TYW1B: variants seen among roughly 807,000 people sequenced by gnomAD.
The protein encoded by TYW1B is S-adenosyl-L-methionine-dependent tRNA 4-demethylwyosine synthase TYW1B.
TYW1B carries 73 observed loss-of-function variants against 86.9 expected under a neutral mutation model. The observed-to-expected ratio is 0.84, with a 90% CI of 0.70 to 1.02. The LOEUF (loss-of-function observed/expected upper bound fraction) is 1.02, where lower values mean the gene tolerates loss of function less well. TYW1B is among the 50% of genes least tolerant of loss of function. TYW1B has a pLI of 0.00. For synonymous variants in TYW1B, 248 were observed against 292.8 expected (o/e 0.85, Z 1.56); for missense variants, 637 against 827.4 (o/e 0.77, Z 2.82).
chr7:72,702,548 C>T (rs1390463614), intron 10 of TYW1B, among the ~76,000 whole-genome samples: 3 of 151,980 alleles, frequency 2.0e-5, no homozygotes, highest in African/African-American at 7.2e-5. Context: ...CCACCACACC[C>T]GGCTAATTTT....
intron 2 of TYW1B, 97 bp downstream of exon 2, chr7:72,826,758 A>G: frequency 3.4e-6 from 5 of 1,469,156 alleles, no homozygotes; most frequent in Non-Finnish European, 4.6e-6. Context: ...ATGTCTAAAG[A>G]CCAAACACAA....
At chr7:72,591,268 GA>G (rs1309034744) in intron 13 of TYW1B, among the ~76,000 whole-genome samples, 36 of 152,044 alleles carry the variant, frequency 2.4e-4, no homozygotes, top group African/African-American at 8.0e-4. Flanking sequence ...ACGACAGAGA[GA>G]ATGCTTGAAG....
rs538552630 is a variant in TYW1B at position 72,734,106 on chromosome 7, A to G, written c.1083-5175T>C. Among the ~76,000 whole-genome samples the G allele has an allele frequency of 3.2e-3, 484 of 152,148 alleles. 2 individuals are homozygous for G. Among genetic ancestry groups the G allele is most frequent in the African/African-American group, 0.011 (450 of 41,512 alleles). On this transcript the variant is annotated intron_variant, in intron 8 of 13. Coordinates refer to ENST00000620995, the MANE Select transcript of TYW1B (RefSeq NM_001145440.3). ...ACCCCATCTCTAATAAAAATACAAA[A>G]AATTGGCCAGGAGTGGTGGCAGGCA...
chr7:72,616,636 A>G lies in TYW1B; in HGVS notation c.1785+36T>C, dbSNP rs782778279. The G allele has an allele frequency of 2.5e-6, 4 of 1,613,902 alleles. No homozygotes were observed. In the South Asian group the frequency reaches 3.3e-5, roughly 13 times the overall value. On this transcript the variant is annotated intron_variant, in intron 13 of 13. Coordinates refer to ENST00000620995, the MANE Select transcript of TYW1B (RefSeq NM_001145440.3). ...AAGAGAAGGAAAGAACAGCAGGGTC[A>G]GGGAACAGAAGATTCCATGTTTGAG...
chr7:72,663,396 G>A (rs1554444757), intron 11 of TYW1B, among the ~76,000 whole-genome samples: 1 of 151,994 alleles, frequency 6.6e-6, no homozygotes, highest in African/African-American at 2.4e-5. Context: ...GGGTGCTCTT[G>A]GAGTGCCCCC....
intron 6 of TYW1B, among the ~76,000 whole-genome samples, chr7:72,795,110 A>G (rs1419522914): frequency 7.2e-5 from 11 of 151,896 alleles, no homozygotes; most frequent in African/African-American, 2.7e-4. Flanking sequence ...GCAATTCAGC[A>G]TGCCCGGCCT....
chr7:72,815,379 C>T lies in TYW1B; in HGVS notation c.237+1G>A. 2.5e-6 allele frequency: 4 copies of T among 1,582,406 alleles called. No homozygotes were observed. Among genetic ancestry groups the T allele is most frequent in the Non-Finnish European group, 2.6e-6 (3 of 1,169,462 alleles). ...GATTGAAGAAAAAGACAATTACCAA[C>T]CTCTTCTATCAGATGATCATCTGGA... On this transcript the variant is annotated splice_donor_variant, in intron 3 of 13. Transcript: ENST00000620995. LOFTEE classifies it high-confidence loss of function.
rs782703006 is a variant in TYW1B at position 72,616,735 on chromosome 7, G to A, written c.1722C>T (p.Ile574=). 4.3e-6 allele frequency: 7 copies of A among 1,614,076 alleles called. No homozygotes were observed. Among genetic ancestry groups the A allele is most frequent in the Middle Eastern group, 1.6e-4 (1 of 6,084 alleles). ...GTTCACATGCAATTTCATATTCGGGGATCAGATCCACCAGCTCGCGGACAA... is the reference window on the plus strand; with the variant it reads ...GTTCACATGCAATTTCATATTCGGGAATCAGATCCACCAGCTCGCGGACAA... The part of the protein sequence containing the change: ...VQFVRELVDL[I]PEYEIACEHE... Residue 574 remains isoleucine, a synonymous_variant, in exon 13 of 14, where the codon ATC becomes ATT. Transcript: ENST00000620995.
rs1812512713 is a variant in TYW1B at position 72,632,285 on chromosome 7, G to GTATATATATAATATATATATATTA, written c.1507-3289_1507-3288insTAATATATATATATTATATATATA. Among the ~76,000 whole-genome samples the GTATATATATAATATATATATATTA allele has an allele frequency of 2.1e-3, 176 of 83,546 alleles. 7 individuals are homozygous for GTATATATATAATATATATATATTA. The highest frequency in any genetic ancestry group is 0.012 in the African/African-American group (163 of 13,838). The allele number at this position is 83,546 out of a possible 152,430, so 54.8% of individuals were successfully genotyped here. A position where few individuals can be genotyped will look rare whatever the true frequency, so the allele number is the denominator to read the frequency against. On this transcript the variant is annotated intron_variant, in intron 11 of 13. Transcript: ENST00000620995. ...AAAAAATATATATATATATATACGT[G>GTATATATATAATATATATATATTA]TATATATATATATACGTGTATATAT... is the stretch of plus-strand genomic sequence containing the variant.
intron 13 of TYW1B, among the ~76,000 whole-genome samples, chr7:72,613,703 C>T (rs563263843): frequency 6.6e-5 from 10 of 152,050 alleles, no homozygotes; most frequent in East Asian, 1.9e-4. Flanking sequence ...TGAGCCACTG[C>T]GCCGGGCCCA....
intron 13 of TYW1B, among the ~76,000 whole-genome samples, chr7:72,590,114 T>C (rs1208711876): frequency 2.0e-5 from 3 of 152,150 alleles, no homozygotes; most frequent in Non-Finnish European, 4.4e-5. Flanking sequence ...CTGGCAGAAT[T>C]TGTCTGATGT....
intron 7 of TYW1B, among the ~76,000 whole-genome samples, 194 bp downstream of exon 7, chr7:72,777,222 C>T (rs142469327): frequency 0.013 from 1,926 of 152,056 alleles, 6 homozygotes; most frequent in Non-Finnish European, 0.019. Context: ...CCCAATAAAC[C>T]AAGAAAAAAG....
intron 11 of TYW1B, among the ~76,000 whole-genome samples, chr7:72,657,336 T>C (rs1813228306): frequency 6.6e-6 from 1 of 152,158 alleles, no homozygotes; most frequent in Non-Finnish European, 1.5e-5. Context: ...AGAAAGCCTA[T>C]GTGACATGCA....
At chr7:72,815,083 A>G (rs1240777735) in intron 3 of TYW1B, among the ~76,000 whole-genome samples, 1 of 140,274 alleles carries the variant, frequency 7.1e-6, no homozygotes. Context: ...AAAAAAAAAA[A>G]AAAAAAAGAA....
intron 11 of TYW1B, among the ~76,000 whole-genome samples, chr7:72,632,390 A>ATATATATAATATATATATACG (rs1585863064): frequency 1.0e-5 from 1 of 96,410 alleles, no homozygotes; most frequent in East Asian, 3.0e-4. Context: ...ATATATACGT[A>ATATATATAATATATATATACG]TATATATATA....
At chr7:72,671,277 G>C (rs1554446303) in intron 11 of TYW1B, among the ~76,000 whole-genome samples, 4 of 152,138 alleles carry the variant, frequency 2.6e-5, no homozygotes, top group African/African-American at 9.7e-5. Flanking sequence ...ACTCAGAAAA[G>C]GTACAAGGAA....
intron 10 of TYW1B, among the ~76,000 whole-genome samples, chr7:72,711,285 C>T (rs1786655834): frequency 6.6e-6 from 1 of 152,038 alleles, no homozygotes; most frequent in African/African-American, 2.4e-5. Flanking sequence ...CCCAGATAAG[C>T]ATAAGCACCA....
At chr7:72,822,162 C>CAAAAAAAAAAA (rs782637112) in intron 2 of TYW1B, among the ~76,000 whole-genome samples, 1 of 36,360 alleles carries the variant, frequency 2.8e-5, no homozygotes, top group African/African-American at 1.1e-4. Flanking sequence ...GACCCTGTCT[C>CAAAAAAAAAAA]AAAAAAAAAA....
At chr7:72,725,082 A>G (rs1453997342) in intron 9 of TYW1B, among the ~76,000 whole-genome samples, 1 of 152,166 alleles carries the variant, frequency 6.6e-6, no homozygotes, top group East Asian at 1.9e-4. Context: ...ACAGGACAAG[A>G]CCCTCAACAG....
Sources: allele counts gnomAD v4.1 joint callset (sites outside exome capture counted in the v4.1 genomes callset), GRCh38; gene constraint gnomAD v4.1.1; transcripts MANE v1.5; gene names NCBI Gene and HGNC (gene_info 2026-07-23, HGNC 2026-07-21).